The following ACACA variants were observed in gnomAD, a reference collection of about 807,000 sequenced individuals.
The protein encoded by ACACA is acetyl-CoA carboxylase 1.
Under a neutral mutation model 296.1 loss-of-function variants are expected in ACACA, and 103 were observed. The observed-to-expected ratio is 0.35, with a 90% CI of 0.30 to 0.41. The LOEUF is 0.41. Among genes scored for constraint, ACACA ranks in the 10% least tolerant of loss-of-function variants. ACACA has a pLI of 1.00. For synonymous variants in ACACA, 953 were observed against 1,038.6 expected, an observed-to-expected ratio of 0.92 and a Z score of 1.58; for missense variants, 1,554 against 2,989.7, an observed-to-expected ratio of 0.52 and a Z score of 11.20.
At chr17:37,131,532 T>G (rs2075098051) in intron 45 of ACACA, among the ~76,000 whole-genome samples, 1 of 152,184 alleles carries the variant, frequency 6.6e-6, no homozygotes, top group Admixed American at 6.5e-5. Context: ...AATACAAAAT[T>G]TCTTCCGTAC....
At chr17:37,242,862 C>A (rs1343004866) in intron 22 of ACACA, among the ~76,000 whole-genome samples, 3 of 152,170 alleles carry the variant, frequency 2.0e-5, no homozygotes, top group Non-Finnish European at 4.4e-5. Context: ...CATGGTGAAA[C>A]CCGTGACTAC....
chr17:37,176,067 C>A (rs968695046), intron 41 of ACACA, among the ~76,000 whole-genome samples: 5 of 152,194 alleles, frequency 3.3e-5, no homozygotes, highest in Non-Finnish European at 5.9e-5. Context: ...GTCCCATCAC[C>A]TTTTTACCTA....
Position 37,406,395 on chromosome 17 carries a change from T to C in ACACA, c.-96A>G. ...ATTTCGACGTTCCAGGAGCATCTGATTGAAACGCACCCTCTTCACCCCTTA... is the reference window on the plus strand; with the variant it reads ...ATTTCGACGTTCCAGGAGCATCTGACTGAAACGCACCCTCTTCACCCCTTA... On this transcript the variant is annotated 5_prime_UTR_variant, in exon 1 of 56. Coordinates refer to ENST00000616317, the MANE Select transcript of ACACA (RefSeq NM_198834.3). 3.0e-6 allele frequency: 4 copies of C among 1,320,406 alleles called. No homozygotes were observed. The highest frequency in any genetic ancestry group is 1.7e-5 in the Admixed American group (1 of 59,652). The allele number at this position is 1,320,406 out of a possible 1,614,324, so 81.8% of individuals were successfully genotyped here.
intron 3 of ACACA, among the ~76,000 whole-genome samples, chr17:37,312,798 A>G (rs2084221692): frequency 6.6e-6 from 1 of 152,116 alleles, no homozygotes; most frequent in Non-Finnish European, 1.5e-5. Context: ...AGGCCAAGGC[A>G]GAAGAATCAC....
In ACACA at chr17:37,330,266, T is replaced by C; in HGVS notation, c.245A>G (p.Lys82Arg). The C allele has an allele frequency of 1.9e-6, 3 of 1,614,222 alleles. No homozygotes were observed. Among genetic ancestry groups the C allele is most frequent in the Non-Finnish European group, 2.5e-6 (3 of 1,180,040 alleles). The change falls in exon 3 of 56, where the codon AAG (lysine) becomes AGG (arginine). Residue 82 changes from lysine (K) to arginine (R), a missense_variant. Transcript: ENST00000616317. ...NLVKLDLLEE[K>R]EGSLSPASVG... ...AGAAGCAGGTGACAAGGAGCCCTCCTTCTCCTCCAGTAGGTCCAACTTCAC... is the reference window on the plus strand; with the variant it reads ...AGAAGCAGGTGACAAGGAGCCCTCCCTCTCCTCCAGTAGGTCCAACTTCAC...
rs928639454 is a variant in ACACA, at chr17:37,085,180, C to T, written c.*2136G>A. ...TCAATATCCATCATTTATACTCCTC[C>T]TGCCTTAGTAGCCTTGCATGTTTGA... is the stretch of plus-strand genomic sequence containing the variant. On this transcript the variant is annotated 3_prime_UTR_variant, in exon 56 of 56. Coordinates refer to ENST00000616317, the MANE Select transcript of ACACA (RefSeq NM_198834.3). The T allele has an allele frequency of 6.3e-6, 1 of 157,760 alleles. No homozygotes were observed. Among genetic ancestry groups the T allele is most frequent in the Admixed American group, 6.5e-5 (1 of 15,436 alleles). The allele number at this position is 157,760 out of a possible 1,614,324, so 9.8% of individuals were successfully genotyped here.
At chr17:37,405,933 A>G (rs2051484543) in intron 1 of ACACA, among the ~76,000 whole-genome samples, 1 of 149,930 alleles carries the variant, frequency 6.7e-6, no homozygotes, top group Non-Finnish European at 1.5e-5. Flanking sequence ...ACACAGGCAT[A>G]AAGTGTAAGT....
At chr17:37,309,489 C>T (rs989783542) in intron 3 of ACACA, among the ~76,000 whole-genome samples, 5 of 151,802 alleles carry the variant, frequency 3.3e-5, no homozygotes, top group Non-Finnish European at 5.9e-5. Flanking sequence ...AATGCTATTG[C>T]AATGGGAAAA....
intron 54 of ACACA, among the ~76,000 whole-genome samples, chr17:37,092,870 C>T (rs2072740785): frequency 6.6e-6 from 1 of 152,228 alleles, no homozygotes; most frequent in African/African-American, 2.4e-5. Flanking sequence ...ATTTTCAATA[C>T]ACCTACACTT....
intron 1 of ACACA, among the ~76,000 whole-genome samples, chr17:37,397,494 TA>T (rs2051119452): frequency 6.6e-6 from 1 of 152,182 alleles, no homozygotes; most frequent in Non-Finnish European, 1.5e-5. Flanking sequence ...GCTTTATTTT[TA>T]TATCAAAGTT....
chr17:37,257,894 A>C, intron 13 of ACACA, 28 bp from the exon 14 acceptor site: 1 of 1,612,006 alleles, frequency 6.2e-7, no homozygotes. Context: ...ATGAGAGACC[A>C]TATTATGTTT....
In ACACA at chr17:37,244,717, A is replaced by G. The variant is rs1432529393; in HGVS notation, c.2613T>C (p.Gly871=). The G allele has an allele frequency of 6.2e-7, 1 of 1,614,158 alleles. No individual in the cohort carries two copies. Residue 871 remains glycine, a synonymous_variant, in exon 21 of 56, where the codon GGT becomes GGC. Transcript: ENST00000616317. ...SKVQQAELHT[G]SLPRIQSTAL... ...CCGTGCTCTGGATCCGTGGCAGACTACCTGTGTGAAGTTCAGCCTGTCAAC... is the reference window on the plus strand; with the variant it reads ...CCGTGCTCTGGATCCGTGGCAGACTGCCTGTGTGAAGTTCAGCCTGTCAAC...
At chr17:37,219,189 A>AT (rs2079167881) in intron 29 of ACACA, among the ~76,000 whole-genome samples, 1 of 152,168 alleles carries the variant, frequency 6.6e-6, no homozygotes, top group Non-Finnish European at 1.5e-5. Flanking sequence ...TGAAGCCCTG[A>AT]TTTTAAAATA....
At chr17:37,221,646 T>C (rs2079296957) in intron 29 of ACACA, 78 bp downstream of exon 29, 3 of 1,192,514 alleles carry the variant, frequency 2.5e-6, no homozygotes, top group Non-Finnish European at 2.5e-6. Flanking sequence ...AAACATGGAA[T>C]TGTCATACAC....
chr17:37,248,184 G>A, intron 17 of ACACA, 28 bp from the exon 18 acceptor site: 1 of 1,613,894 alleles, frequency 6.2e-7, no homozygotes. Flanking sequence ...GAGGATCAGT[G>A]TGTCCCTTCC....
intron 3 of ACACA, among the ~76,000 whole-genome samples, chr17:37,294,917 C>G (rs1425839390): frequency 6.6e-6 from 1 of 152,168 alleles, no homozygotes; most frequent in African/African-American, 2.4e-5. Flanking sequence ...ATGAGGTTTC[C>G]TTTTGTCCCT....
In ACACA at chr17:37,215,931, G is replaced by A. The variant is rs150768370; in HGVS notation, c.3684-5441C>T. On this transcript the variant is annotated intron_variant, in intron 29 of 55. Coordinates refer to ENST00000616317, the MANE Select transcript of ACACA (RefSeq NM_198834.3). ...TCAATGAGAGAATTAGGTTCTAGAA[G>A]TCTGCACAATAATAAAATGCTCCCT... Among the ~76,000 whole-genome samples, 289 of 152,066 alleles carry A rather than the reference G, an allele frequency of 1.9e-3. 1 individual carries two copies. The highest frequency in any genetic ancestry group is 3.1e-3 in the East Asian group (16 of 5,176).
chr17:37,255,485 G>A (rs1009118025), intron 14 of ACACA, among the ~76,000 whole-genome samples: 1 of 152,180 alleles, frequency 6.6e-6, no homozygotes, highest in Non-Finnish European at 1.5e-5. Context: ...TAAAAATTAA[G>A]CTAGTTAGCT....
intron 1 of ACACA, among the ~76,000 whole-genome samples, chr17:37,404,873 C>A (rs912589441): frequency 1.3e-5 from 2 of 152,262 alleles, no homozygotes; most frequent in Admixed American, 1.3e-4. Context: ...CCACCGCTCC[C>A]AGCCCACAGT....
Sources: allele counts gnomAD v4.1 joint callset (sites outside exome capture counted in the v4.1 genomes callset), GRCh38; gene constraint gnomAD v4.1.1; transcripts MANE v1.5; gene names NCBI Gene and HGNC (gene_info 2026-07-23, HGNC 2026-07-21).